EHMT1: variants seen among roughly 807,000 people sequenced by gnomAD.
EHMT1 encodes euchromatic histone lysine methyltransferase 1, also known as histone-lysine N-methyltransferase EHMT1.
In EHMT1, 15 loss-of-function variants were observed where a neutral mutation model predicts 147.2. The observed-to-expected ratio is 0.10, with a 90% CI of 0.07 to 0.16. The LOEUF (loss-of-function observed/expected upper bound fraction) is 0.16, where lower values mean the gene tolerates loss of function less well. EHMT1 is among the 10% of genes least tolerant of loss of function. The probability of loss-of-function intolerance (pLI) is 1.00; values close to 1 mark genes in which losing one functional copy is unlikely to be tolerated. For missense variants in EHMT1, 1,587 were observed against 1,772.4 expected (o/e 0.90, Z 1.88); for synonymous variants, 795 against 709.6 (o/e 1.12, Z -1.91).
At chr9:137,665,180 A>T (rs1489706549) in intron 1 of EHMT1, among the ~76,000 whole-genome samples, 1 of 152,218 alleles carries the variant, frequency 6.6e-6, no homozygotes, top group Non-Finnish European at 1.5e-5. Flanking sequence ...ACACTATTTT[A>T]AAAAATATTC....
intron 1 of EHMT1, among the ~76,000 whole-genome samples, chr9:137,627,048 C>G (rs1236765228): frequency 6.6e-6 from 1 of 152,098 alleles, no homozygotes; most frequent in Non-Finnish European, 1.5e-5. Context: ...ACCTCCATCT[C>G]CCAGGTTCAA....
intron 10 of EHMT1, among the ~76,000 whole-genome samples, chr9:137,768,966 C>G (rs896869030): frequency 1.2e-4 from 18 of 152,180 alleles, no homozygotes; most frequent in Non-Finnish European, 2.5e-4. Context: ...AGATTACAGT[C>G]GTGAGCTACC....
Position 137,754,408 on chromosome 9 carries a change from T to A in EHMT1, c.1369+117T>A, listed in dbSNP as rs1949218226. On this transcript the variant is annotated intron_variant, in intron 8 of 26. Coordinates refer to ENST00000460843, the MANE Select transcript of EHMT1 (RefSeq NM_024757.5). ...CATTAGAAAAGAGGGCATCACTGTT[T>A]AAAAAAAATGTTTGAAATGACTTTG... is the stretch of plus-strand genomic sequence containing the variant. The A allele has an allele frequency of 4.2e-6, 6 of 1,415,238 alleles. No homozygotes were observed. In the East Asian group the frequency reaches 1.4e-4, roughly 34 times the overall value. The allele number at this position is 1,415,238 out of a possible 1,614,324, so 87.7% of individuals were successfully genotyped here.
chr9:137,642,967 C>A (rs1470320368), intron 1 of EHMT1, among the ~76,000 whole-genome samples: 1 of 152,158 alleles, frequency 6.6e-6, no homozygotes, highest in Non-Finnish European at 1.5e-5. Context: ...GCAGCCTTGA[C>A]CTCCTGGGCT....
chr9:137,817,959 G>A, intron 24 of EHMT1, 101 bp from the exon 25 acceptor site: 1 of 1,112,558 alleles, frequency 9.0e-7, no homozygotes, highest in Non-Finnish European at 1.4e-6. Context: ...TTCTTCTGGT[G>A]TGCCCTGCTC....
intron 18 of EHMT1, among the ~76,000 whole-genome samples, chr9:137,806,309 C>T (rs773557689): frequency 5.9e-5 from 9 of 151,978 alleles, no homozygotes; most frequent in Non-Finnish European, 5.9e-5. Flanking sequence ...TTGCTCCTGC[C>T]ATCCCCATCC....
intron 14 of EHMT1, 52 bp downstream of exon 14, chr9:137,779,769 A>T: frequency 6.3e-7 from 1 of 1,598,284 alleles, no homozygotes; most frequent in Non-Finnish European, 8.5e-7. Context: ...GTGGCACTGA[A>T]AGAAGCCGAG....
chr9:137,762,959 A>G (rs1399583884), intron 10 of EHMT1, 139 bp downstream of exon 10: 1 of 1,071,758 alleles, frequency 9.3e-7, no homozygotes, highest in Non-Finnish European at 1.4e-6. Context: ...GCGCAGAACC[A>G]ATCGAGCAGA....
intron 4 of EHMT1, among the ~76,000 whole-genome samples, chr9:137,742,243 G>A (rs181975865): frequency 5.1e-4 from 77 of 151,232 alleles, no homozygotes; most frequent in African/African-American, 1.6e-3. Context: ...GTTCTCACTC[G>A]TTCACGTCCC....
chr9:137,644,973 A>G (rs923671421), intron 1 of EHMT1, among the ~76,000 whole-genome samples: 1 of 151,810 alleles, frequency 6.6e-6, no homozygotes, highest in African/African-American at 2.4e-5. Context: ...CCCAGGTTCA[A>G]GTGATCCTCC....
intron 15 of EHMT1, among the ~76,000 whole-genome samples, chr9:137,789,541 C>CA (rs1952337384): frequency 6.6e-6 from 1 of 152,204 alleles, no homozygotes; most frequent in African/African-American, 2.4e-5. Flanking sequence ...TCAGGTTTGG[C>CA]AGCCGGACCT....
Position 137,816,059 on chromosome 9 carries a change from T to C in EHMT1, c.3371T>C (p.Leu1124Pro). 1 of 1,610,824 alleles carries C rather than the reference T, an allele frequency of 6.2e-7. No homozygotes were observed. The highest frequency in any genetic ancestry group is 8.5e-7 in the Non-Finnish European group (1 of 1,178,416). The part of the protein sequence containing the change: ...NCRNRVVQNG[L>P]RARLQLYRTR... ...CGAAATCGCGTCGTACAGAATGGTCTCAGGTGAGAGGCAGCTTCCTGCCGG... is the reference window on the plus strand; with the variant it reads ...CGAAATCGCGTCGTACAGAATGGTCCCAGGTGAGAGGCAGCTTCCTGCCGG... Residue 1124 changes from leucine (L) to proline (P), a missense_variant, in exon 23 of 27, where the codon CTC (leucine) becomes CCC (proline). Coordinates refer to ENST00000460843, the MANE Select transcript of EHMT1 (RefSeq NM_024757.5).
chr9:137,824,263 A>T (rs923887228), intron 25 of EHMT1, among the ~76,000 whole-genome samples: 1 of 152,116 alleles, frequency 6.6e-6, no homozygotes, highest in Non-Finnish European at 1.5e-5. Context: ...TGAAGTAAGG[A>T]TTGAGGTTCA....
At chr9:137,694,109 G>A (rs1176387449) in intron 1 of EHMT1, among the ~76,000 whole-genome samples, 2 of 66,064 alleles carry the variant, frequency 3.0e-5, no homozygotes, top group Non-Finnish European at 2.8e-5. Flanking sequence ...CAGGACGCTG[G>A]CCGATACCCC....
At chr9:137,683,931 T>C (rs1942198256) in intron 1 of EHMT1, among the ~76,000 whole-genome samples, 1 of 152,186 alleles carries the variant, frequency 6.6e-6, no homozygotes, top group African/African-American at 2.4e-5. Context: ...TCAAGATCTT[T>C]GCCTTTAATT....
chr9:137,640,571 C>T (rs1426251198), intron 1 of EHMT1, among the ~76,000 whole-genome samples: 1 of 152,198 alleles, frequency 6.6e-6, no homozygotes, highest in Non-Finnish European at 1.5e-5. Context: ...ACCCCTGTGC[C>T]TGGTCTGAAA....
chr9:137,666,724 C>T (rs1177101310), intron 1 of EHMT1, among the ~76,000 whole-genome samples: 2 of 152,186 alleles, frequency 1.3e-5, no homozygotes, highest in Admixed American at 6.5e-5. Context: ...GTGTGATGAT[C>T]CTGTCTGCGT....
chr9:137,775,299 G>C lies in EHMT1; in HGVS notation c.1791+47G>C, dbSNP rs773704072. ...CTCTGAGTCCTCCGCAGGCTTTGCT[G>C]TCTGCTCACTGGTGCTGGTTCCTGT... On this transcript the variant is annotated intron_variant, in intron 11 of 26. Transcript: ENST00000460843. The surrounding 1 kb of genome is among the most constrained non-coding windows in gnomAD (Gnocchi z 6.1). The C allele has an allele frequency of 6.9e-6, 11 of 1,598,686 alleles. No individual in the cohort carries two copies. The highest frequency in any genetic ancestry group is 1.7e-5 in the Admixed American group (1 of 59,692).
In EHMT1 at chr9:137,762,675, G is replaced by C; in HGVS notation, c.1502G>C (p.Gly501Ala). ...CTGACATGTGTCTGTGTGACGTTAG[G>C]GTTGGCCAACGGTCCAGATGTGCTG... Reference protein sequence around the residue: ...VKGILSSQAEGLANGPDVLET... With the variant: ...VKGILSSQAEALANGPDVLET... The change falls in exon 10 of 27, where the codon GGG (glycine) becomes GCG (alanine). Residue 501 changes from glycine (G) to alanine (A), a missense_variant and splice_region_variant. By Grantham distance (60) the Gly-to-Ala change is moderately conservative (BLOSUM62 0). Coordinates refer to ENST00000460843, the MANE Select transcript of EHMT1 (RefSeq NM_024757.5). 3 of 1,614,192 alleles carry C rather than the reference G, an allele frequency of 1.9e-6. No homozygotes were observed. Among genetic ancestry groups the C allele is most frequent in the Non-Finnish European group, 2.5e-6 (3 of 1,180,040 alleles).
Sources: allele counts gnomAD v4.1 joint callset (sites outside exome capture counted in the v4.1 genomes callset), GRCh38; gene constraint gnomAD v4.1.1; non-coding constraint Gnocchi (gnomAD v3.1); transcripts MANE v1.5; gene names NCBI Gene and HGNC (gene_info 2026-07-23, HGNC 2026-07-21).